Variants in PRKCE observed in about 807,000 individuals in gnomAD.
PRKCE encodes the protein protein kinase C epsilon, also known as protein kinase C epsilon type.
Under a neutral mutation model 85.4 loss-of-function variants are expected in PRKCE, and 16 were observed. The observed-to-expected ratio is 0.19, with a 90% CI of 0.13 to 0.28. The LOEUF (loss-of-function observed/expected upper bound fraction) is 0.28. Ranked by LOEUF, PRKCE falls within the 10% of genes least tolerant of loss-of-function variation. The probability of loss-of-function intolerance (pLI) is 1.00; values close to 1 mark genes in which losing one functional copy is unlikely to be tolerated. For synonymous variants in PRKCE, 388 were observed against 371.5 expected (o/e 1.04, Z -0.51); for missense variants, 573 against 975.2 (o/e 0.59, Z 5.49).
chr2:46,031,878 T>C (rs1558983255), intron 10 of PRKCE, among the ~76,000 whole-genome samples: 1 of 152,166 alleles, frequency 6.6e-6, no homozygotes, highest in Admixed American at 6.5e-5. Flanking sequence ...GCAATTTGCA[T>C]GGGAGAGAAT....
intron 12 of PRKCE, among the ~76,000 whole-genome samples, chr2:46,146,774 C>G (rs1029843731): frequency 6.6e-6 from 1 of 152,218 alleles, no homozygotes; most frequent in African/African-American, 2.4e-5. Context: ...TTATGACATT[C>G]CAACATGAGC....
chr2:45,808,521 T>A (rs1688418354), intron 1 of PRKCE, among the ~76,000 whole-genome samples: 1 of 152,156 alleles, frequency 6.6e-6, no homozygotes, highest in Non-Finnish European at 1.5e-5. Context: ...TGGCTTCCTG[T>A]TTGTGTACCG....
At chr2:45,854,111 C>G (rs1216141097) in intron 2 of PRKCE, among the ~76,000 whole-genome samples, 1 of 152,120 alleles carries the variant, frequency 6.6e-6, no homozygotes, top group African/African-American at 2.4e-5. Context: ...CCCTGCTTGC[C>G]CCATCTAAGG....
chr2:45,940,412 G>A (rs1478283267), intron 2 of PRKCE, among the ~76,000 whole-genome samples: 1 of 152,190 alleles, frequency 6.6e-6, no homozygotes, highest in African/African-American at 2.4e-5. Context: ...TTTGATGTAT[G>A]GATGGCCAGA....
At chr2:45,662,616 G>C (rs76555499) in intron 1 of PRKCE, among the ~76,000 whole-genome samples, 5,406 of 151,480 alleles carry the variant, frequency 0.036, 316 homozygotes, top group African/African-American at 0.12. Flanking sequence ...GTTAACCTTC[G>C]CACCTGATAA....
intron 2 of PRKCE, among the ~76,000 whole-genome samples, chr2:45,865,356 C>T (rs1330833392): frequency 6.6e-6 from 1 of 152,146 alleles, no homozygotes; most frequent in East Asian, 1.9e-4. Context: ...ATCAGAATCT[C>T]AGAGGGTAGG....
At chr2:46,050,750 C>G (rs1050989985) in intron 10 of PRKCE, among the ~76,000 whole-genome samples, 6 of 152,134 alleles carry the variant, frequency 3.9e-5, no homozygotes, top group African/African-American at 1.4e-4. Flanking sequence ...TTCTTTTTTC[C>G]CCCCCAGCCA....
chr2:45,924,435 G>T (rs1698469635), intron 2 of PRKCE, among the ~76,000 whole-genome samples: 1 of 152,184 alleles, frequency 6.6e-6, no homozygotes. Context: ...GGGATGGGTG[G>T]AAAGGAAGCA....
At chr2:46,034,357 A>C (rs1334130501) in intron 10 of PRKCE, among the ~76,000 whole-genome samples, 1 of 152,224 alleles carries the variant, frequency 6.6e-6, no homozygotes, top group East Asian at 1.9e-4. Flanking sequence ...CAAGCATTTA[A>C]TAAATGATAG....
At chr2:45,778,726 T>C (rs1685952566) in intron 1 of PRKCE, among the ~76,000 whole-genome samples, 1 of 152,248 alleles carries the variant, frequency 6.6e-6, no homozygotes, top group African/African-American at 2.4e-5. Context: ...AGAGGATGTA[T>C]GTTCCCGGCT....
chr2:46,098,327 C>A (rs537879470), intron 11 of PRKCE, among the ~76,000 whole-genome samples: 24 of 151,422 alleles, frequency 1.6e-4, no homozygotes, highest in African/African-American at 2.7e-4. Context: ...TACTCCCCCC[C>A]CAACCCACAC....
chr2:45,854,619 C>T (rs6715486), intron 2 of PRKCE, among the ~76,000 whole-genome samples: 41 of 152,168 alleles, frequency 2.7e-4, no homozygotes, highest in African/African-American at 7.7e-4. Flanking sequence ...CATTAAGAGG[C>T]GATGGTTAAG....
chr2:45,988,383 G>T (rs991845660), intron 6 of PRKCE, among the ~76,000 whole-genome samples: 2 of 152,228 alleles, frequency 1.3e-5, no homozygotes, highest in South Asian at 4.1e-4. Context: ...AGCATTGTGT[G>T]TGTACCCTTC....
chr2:45,794,869 T>C (rs1045892330), intron 1 of PRKCE, among the ~76,000 whole-genome samples: 11 of 143,146 alleles, frequency 7.7e-5, no homozygotes, highest in Non-Finnish European at 1.5e-4. Flanking sequence ...CCACCATTTC[T>C]TTTTTTCTTA....
At chr2:45,743,348 A>G (rs1682740558) in intron 1 of PRKCE, among the ~76,000 whole-genome samples, 1 of 152,218 alleles carries the variant, frequency 6.6e-6, no homozygotes, top group Admixed American at 6.5e-5. Flanking sequence ...ACTTATATCA[A>G]AACATCGCGG....
At chr2:46,028,282 C>G in intron 10 of PRKCE, among the ~76,000 whole-genome samples, 1 of 152,342 alleles carries the variant, frequency 6.6e-6, no homozygotes, top group Non-Finnish European at 1.5e-5. Flanking sequence ...CCCAGCCTCA[C>G]TCTTTCAGCA....
intron 1 of PRKCE, among the ~76,000 whole-genome samples, chr2:45,693,639 C>T (rs1677915317): frequency 6.6e-6 from 1 of 152,164 alleles, no homozygotes; most frequent in African/African-American, 2.4e-5. Flanking sequence ...CTGATGTTCT[C>T]TCTGAGAGGC....
chr2:45,976,392 A>T (rs781644930), intron 2 of PRKCE, 37 bp from the exon 3 acceptor site: 1 of 1,590,572 alleles, frequency 6.3e-7, no homozygotes, highest in Non-Finnish European at 8.5e-7. Flanking sequence ...GCACTAACCC[A>T]GACTCCGTTT....
chr2:45,913,296 C>T (rs1380800979), intron 2 of PRKCE, among the ~76,000 whole-genome samples: 1 of 152,242 alleles, frequency 6.6e-6, no homozygotes, highest in Non-Finnish European at 1.5e-5. Flanking sequence ...CACAGGCGAG[C>T]ACCATCATGC....
Sources: allele counts gnomAD v4.1 joint callset (sites outside exome capture counted in the v4.1 genomes callset), GRCh38; gene constraint gnomAD v4.1.1; transcripts MANE v1.5; gene names NCBI Gene and HGNC (gene_info 2026-07-23, HGNC 2026-07-21).